BDP1: variants seen among roughly 807,000 people sequenced by gnomAD.
BDP1 encodes the protein transcription factor TFIIIB component B'' homolog.
A neutral mutation model predicts 266.6 loss-of-function variants in BDP1; 169 were observed. The observed-to-expected ratio is 0.63, with a 90% confidence interval of 0.56 to 0.72. The LOEUF (loss-of-function observed/expected upper bound fraction) is 0.72. BDP1 is among the 30% of genes least tolerant of loss of function. The probability of loss-of-function intolerance (pLI) is 0.00; values close to 1 mark genes in which losing one functional copy is unlikely to be tolerated. For synonymous variants in BDP1, 1,090 were observed against 1,022.4 expected, an observed-to-expected ratio of 1.07 and a Z score of -1.26; for missense variants, 3,015 against 3,053.8, an observed-to-expected ratio of 0.99 and a Z score of 0.30.
intron 11 of BDP1, among the ~76,000 whole-genome samples, chr5:71,493,340 A>G (rs559606387): frequency 3.9e-5 from 6 of 152,176 alleles, no homozygotes; most frequent in Admixed American, 2.0e-4. Flanking sequence ...GCTCACCACA[A>G]CCTTGAACTC....
In BDP1 at chr5:71,510,360, G is replaced by A; in HGVS notation, c.3268G>A (p.Asp1090Asn). The A allele has an allele frequency of 6.2e-7, 1 of 1,614,018 alleles. No individual in the cohort carries two copies. The highest frequency in any genetic ancestry group is 8.5e-7 in the Non-Finnish European group (1 of 1,179,986). ...TGATGCCATTGAGGAAATAGAGATAGATTTGGAAGAAACTGAAAGAGAAAT... is the reference window on the plus strand; with the variant it reads ...TGATGCCATTGAGGAAATAGAGATAAATTTGGAAGAAACTGAAAGAGAAAT... ...VIDAIEEIEI[D>N]LEETEREISP... The change falls in exon 17 of 39, where the codon GAT (aspartate) becomes AAT (asparagine). Residue 1090 changes from aspartate to asparagine, a missense_variant. Transcript: ENST00000358731.
chr5:71,535,062 A>G (rs1766505583), intron 26 of BDP1, among the ~76,000 whole-genome samples: 1 of 152,080 alleles, frequency 6.6e-6, no homozygotes, highest in Admixed American at 6.5e-5. Context: ...AGGATTTTCT[A>G]TTTGTCAAAT....
chr5:71,525,279 T>G (rs1186990831), intron 25 of BDP1, among the ~76,000 whole-genome samples: 2 of 100,202 alleles, frequency 2.0e-5, no homozygotes, highest in African/African-American at 8.2e-5. Context: ...CCCCCCCACC[T>G]CCCTCCCGGA....
rs753601234 is a variant in BDP1 at position 71,510,127 on chromosome 5, T to G, written c.3035T>G (p.Leu1012Trp). 1.9e-6 allele frequency: 3 copies of G among 1,613,588 alleles called. No homozygotes were observed. Among genetic ancestry groups the G allele is most frequent in the Non-Finnish European group, 2.5e-6 (3 of 1,179,932 alleles). Reference sequence around the variant, plus strand: ...CCTGTAGATGAAATGGAGACAGATTTGAACGCAACTGGAAGAGAGAGTTCT... The same window carrying G: ...CCTGTAGATGAAATGGAGACAGATTGGAACGCAACTGGAAGAGAGAGTTCT... ...VKPVDEMETDLNATGRESSPR... is the reference protein window; with the variant it reads ...VKPVDEMETDWNATGRESSPR... Residue 1012 changes from leucine (L) to tryptophan (W), a missense_variant, in exon 17 of 39, where the codon TTG (leucine) becomes TGG (tryptophan). Coordinates refer to ENST00000358731, the MANE Select transcript of BDP1 (RefSeq NM_018429.3).
intron 22 of BDP1, among the ~76,000 whole-genome samples, chr5:71,521,954 A>G (rs1307917748): frequency 7.4e-6 from 1 of 135,462 alleles, no homozygotes; most frequent in African/African-American, 2.5e-5. Context: ...ATCTTCAGCT[A>G]CTTGCCTTTT....
rs1354441995 is a variant in BDP1 at position 71,566,551 on chromosome 5, A to G, written c.*1666A>G. ...TCTTGGATTGATAGTATAGTAGCTCAGGCATTGGAAACTTTCTGCAAACTG... is the reference window on the plus strand; with the variant it reads ...TCTTGGATTGATAGTATAGTAGCTCGGGCATTGGAAACTTTCTGCAAACTG... On this transcript the variant is annotated 3_prime_UTR_variant, in exon 39 of 39. Coordinates refer to ENST00000358731, the MANE Select transcript of BDP1 (RefSeq NM_018429.3). 2 of 152,174 alleles carry G rather than the reference A, an allele frequency of 1.3e-5. No individual in the cohort carries two copies. The highest frequency in any genetic ancestry group is 4.8e-5 in the African/African-American group (2 of 41,450). The allele number at this position is 152,174 out of a possible 1,614,324, so 9.4% of individuals were successfully genotyped here.
At chr5:71,545,655 TTC>T (rs1306302212) in intron 32 of BDP1, among the ~76,000 whole-genome samples, 2 of 152,112 alleles carry the variant, frequency 1.3e-5, no homozygotes, top group African/African-American at 4.8e-5. Context: ...TAGTGTACAG[TTC>T]TTCAGGTTTT....
Position 71,564,919 on chromosome 5 carries a change from G to A in BDP1, c.*34G>A, listed in dbSNP as rs1329531018. 2 of 1,555,728 alleles carry A rather than the reference G, an allele frequency of 1.3e-6. No homozygotes were observed. Among genetic ancestry groups the A allele is most frequent in the Non-Finnish European group, 1.7e-6 (2 of 1,152,642 alleles). ...TTTCTCTTTTTCTTTTTTAAATTAGGTCTAGGATTTCCAGAGTCAATTACA... is the reference window on the plus strand; with the variant it reads ...TTTCTCTTTTTCTTTTTTAAATTAGATCTAGGATTTCCAGAGTCAATTACA... On this transcript the variant is annotated 3_prime_UTR_variant, in exon 39 of 39. Transcript: ENST00000358731.
At chr5:71,569,681 G>A (rs1216268726), downstream of BDP1, among the ~76,000 whole-genome samples, 1 of 152,184 alleles carries the variant, frequency 6.6e-6, no homozygotes, top group African/African-American at 2.4e-5. Flanking sequence ...AGAGGTGGAG[G>A]TTGCAGTACG....
intron 25 of BDP1, among the ~76,000 whole-genome samples, chr5:71,525,270 C>A (rs1480062426): frequency 1.4e-5 from 2 of 146,860 alleles, no homozygotes; most frequent in Admixed American, 6.7e-5. Flanking sequence ...GGGGCTGACC[C>A]CCCCCACCTC....
intron 7 of BDP1, among the ~76,000 whole-genome samples, chr5:71,478,596 G>A (rs1561685866): frequency 1.3e-5 from 2 of 151,598 alleles, no homozygotes; most frequent in African/African-American, 2.4e-5. Flanking sequence ...ATGAAAAGTC[G>A]ACAGTAATCA....
intron 26 of BDP1, chr5:71,537,850 G>T: frequency 6.3e-6 from 1 of 157,626 alleles, no homozygotes. Flanking sequence ...GGCATCTTGT[G>T]GTCAGGAGTG....
rs564917209 is a variant in BDP1 at position 71,496,661 on chromosome 5, C to T, written c.1800-609C>T. Among the ~76,000 whole-genome samples the T allele has an allele frequency of 2.6e-5, 4 of 152,300 alleles. No individual in the cohort carries two copies. In the South Asian group the frequency reaches 8.3e-4, roughly 32 times the overall value. On this transcript the variant is annotated intron_variant, in intron 12 of 38. Coordinates refer to ENST00000358731, the MANE Select transcript of BDP1 (RefSeq NM_018429.3). ...GCAGTGGCACCATCTTGGCTCACTG[C>T]AACCCCCGCCTCCCGGGTTCAAGGG...
intron 38 of BDP1, among the ~76,000 whole-genome samples, chr5:71,563,535 G>A (rs1001819283): frequency 1.3e-5 from 2 of 152,090 alleles, no homozygotes; most frequent in Non-Finnish European, 2.9e-5. Context: ...TTTTATTTAT[G>A]GTGGTTTTTG....
Position 71,559,132 on chromosome 5 carries a change from C to T in BDP1, c.7241-850C>T, listed in dbSNP as rs374404970. The stretch of plus-strand genomic sequence containing the variant: ...TCGCGCCTCTGCACTCCAGCCTGGA[C>T]GACAGAGCGAGACTCTGTCTCAAAA... On this transcript the variant is annotated intron_variant, in intron 36 of 38. Transcript: ENST00000358731. Among the ~76,000 whole-genome samples, 18 of 152,088 alleles carry T rather than the reference C, an allele frequency of 1.2e-4. 1 individual carries two copies. Among genetic ancestry groups the T allele is most frequent in the African/African-American group, 4.1e-4 (17 of 41,468 alleles).
chr5:71,549,031 G>A (rs903749959), intron 33 of BDP1, among the ~76,000 whole-genome samples: 3 of 152,132 alleles, frequency 2.0e-5, no homozygotes, highest in Non-Finnish European at 4.4e-5. Flanking sequence ...TTGAGGCCAG[G>A]AGTTCGAGAC....
At position 71,466,132 on chromosome 5, in the gene BDP1, T is replaced by G; in HGVS notation, c.696T>G (p.Asn232Lys). The change falls in exon 5 of 39, where the codon AAT (asparagine) becomes AAG (lysine). Residue 232 changes from asparagine to lysine, a missense_variant. This residue lies in a region of BDP1 where 2,383 missense variants were observed against 2,404.9 expected (regional missense o/e 0.99). Coordinates refer to ENST00000358731, the MANE Select transcript of BDP1 (RefSeq NM_018429.3). ...EGKSTPNAED[N>K]EMEEETDDGP... ...AGAGTACTCCTAATGCTGAAGATAA[T>G]GAAATGGAAGAAGAGACAGATGATG... is the stretch of plus-strand genomic sequence containing the variant. 6.2e-7 allele frequency: 1 copy of G among 1,613,748 alleles called. No homozygotes were observed. Among genetic ancestry groups the G allele is most frequent in the South Asian group, 1.1e-5 (1 of 91,056 alleles).
At chr5:71,506,377 T>TA (rs1764575911) in intron 16 of BDP1, among the ~76,000 whole-genome samples, 1 of 152,188 alleles carries the variant, frequency 6.6e-6, no homozygotes, top group African/African-American at 2.4e-5. Context: ...ATTATACACC[T>TA]ATGTCTAACA....
intron 22 of BDP1, among the ~76,000 whole-genome samples, chr5:71,520,731 TC>T (rs1266703690): frequency 6.6e-6 from 1 of 151,882 alleles, no homozygotes; most frequent in Non-Finnish European, 1.5e-5. Context: ...AAAAATGCTG[TC>T]ACTGTGGAGT....
Sources: gnomAD v4.1 joint callset for allele counts (sites outside exome capture counted in the v4.1 genomes callset) on GRCh38, gnomAD v4.1.1 for gene constraint, gnomAD v4.1.1 regional missense constraint, MANE v1.5 for transcripts, NCBI Gene and HGNC (gene_info 2026-07-23, HGNC 2026-07-21) for gene names.